ERLIN2: variants seen among roughly 807,000 people sequenced by gnomAD.
The protein encoded by ERLIN2 is erlin-2.
A neutral mutation model predicts 41.5 loss-of-function variants in ERLIN2; 22 were observed. The observed-to-expected ratio is 0.53, with a 90% CI of 0.38 to 0.76. ERLIN2 has a LOEUF of 0.76. Ranked by LOEUF, ERLIN2 falls within the 30% of genes least tolerant of loss-of-function variation. ERLIN2 has a pLI of 0.00. For synonymous variants in ERLIN2, 149 were observed against 150.9 expected (o/e 0.99, Z 0.09); for missense variants, 247 against 414.3 (o/e 0.60, Z 3.51).
At chr8:37,747,200 G>T in intron 6 of ERLIN2, 1 of 655,704 alleles carries the variant, frequency 1.5e-6, no homozygotes, top group Non-Finnish European at 2.8e-6. Flanking sequence ...CTCACTGCAT[G>T]TAGGAGAATC....
chr8:37,741,947 A>G lies in ERLIN2; in HGVS notation c.236+129A>G, dbSNP rs377531105. ...TTAATTCCCTGTCTCGTAGCTCCCT[A>G]TATTGATTTGACCAGGTGATGGAGT... On this transcript the variant is annotated intron_variant, in intron 4 of 11. Coordinates refer to ENST00000519638, the MANE Select transcript of ERLIN2 (RefSeq NM_007175.8). This position sits in a 1 kb window ranked among gnomAD's most constrained non-coding sequence, Gnocchi z 4.8. 135 of 739,768 alleles carry G rather than the reference A, an allele frequency of 1.8e-4. No individual in the cohort carries two copies. In the African/African-American group the frequency reaches 2.1e-3, roughly 12 times the overall value. 45.8% of individuals were successfully genotyped at this position (739,768 alleles called of 1,614,324 possible). A position where few individuals can be genotyped will look rare whatever the true frequency, so the allele number is the denominator to read the frequency against.
At chr8:37,750,306 C>T (rs1803188561) in intron 8 of ERLIN2, 89 bp from the exon 9 acceptor site, 2 of 1,008,880 alleles carry the variant, frequency 2.0e-6, no homozygotes, top group East Asian at 2.5e-5. Flanking sequence ...GGGAGTTTGC[C>T]TCTCTTCAGC....
At chr8:37,749,410 G>GA in intron 6 of ERLIN2, 149 bp from the exon 7 acceptor site, 1 of 707,232 alleles carries the variant, frequency 1.4e-6, no homozygotes, top group South Asian at 1.5e-5. Flanking sequence ...TTGGGCAGGG[G>GA]ATCTTTAGAT....
intron 1 of ERLIN2, 178 bp from the exon 2 acceptor site, chr8:37,737,730 G>C: frequency 1.5e-6 from 1 of 663,262 alleles, no homozygotes; most frequent in Non-Finnish European, 2.6e-6. Flanking sequence ...GTTAAAGAAA[G>C]GGGAACGTTG....
rs1047301032 is a variant in ERLIN2 at position 37,754,644 on chromosome 8, TGA to T, written c.*531_*532del. ...CCTGGCATTCTTGTCTGCATGTGTGTGAGTTATTTTAGAGGTGTGCTTTCTTG... is the reference window on the plus strand; with the variant it reads ...CCTGGCATTCTTGTCTGCATGTGTGTGTTATTTTAGAGGTGTGCTTTCTTG... On this transcript the variant is annotated 3_prime_UTR_variant, in exon 12 of 12. Transcript: ENST00000519638. The T allele has an allele frequency of 1.6e-5, 3 of 193,376 alleles. No individual in the cohort carries two copies. The highest frequency in any genetic ancestry group is 7.1e-5 in the African/African-American group (3 of 42,544). The allele number at this position is 193,376 out of a possible 1,614,324, so 12.0% of individuals were successfully genotyped here.
At chr8:37,744,212 T>G in intron 4 of ERLIN2, 143 bp from the exon 5 acceptor site, 8 of 792,974 alleles carry the variant, frequency 1.0e-5, no homozygotes, top group Non-Finnish European at 1.6e-5. Flanking sequence ...ACCTCCCACT[T>G]GGAGATCCAA....
chr8:37,748,122 C>T, intron 6 of ERLIN2: 1 of 687,582 alleles, frequency 1.5e-6, no homozygotes, highest in Non-Finnish European at 2.6e-6. Flanking sequence ...ATTTAAATGG[C>T]ATTTATCAAC....
At position 37,740,072 on chromosome 8, in the gene ERLIN2, G is replaced by T. The variant is rs142394929; in HGVS notation, c.108-293G>T. On this transcript the variant is annotated intron_variant, in intron 2 of 11. Transcript: ENST00000519638. The stretch of plus-strand genomic sequence containing the variant: ...CATGCAATCCTCTCACCTCAGCCCC[G>T]CAAAGCGCTGGGACTGCACTAGTGG... Among the ~76,000 whole-genome samples, 525 of 152,160 alleles carry T rather than the reference G, an allele frequency of 3.5e-3. 5 individuals are homozygous for T. Among genetic ancestry groups the T allele is most frequent in the Middle Eastern group, 0.031 (9 of 294 alleles).
At chr8:37,742,148 C>T (rs1802872281) in intron 4 of ERLIN2, among the ~76,000 whole-genome samples, 2 of 151,900 alleles carry the variant, frequency 1.3e-5, no homozygotes, top group Non-Finnish European at 2.9e-5. Flanking sequence ...TCGAGACCAT[C>T]CTGGCCAACA....
rs536032217 is a variant in ERLIN2 at position 37,755,636 on chromosome 8, A to C, written c.*1521A>C. 1.5e-3 allele frequency: 215 copies of C among 141,982 alleles called. 2 individuals carry two copies. The highest frequency in any genetic ancestry group is 0.011 in the Middle Eastern group (3 of 262). The allele number at this position is 141,982 out of a possible 1,614,324, so 8.8% of individuals were successfully genotyped here. A position where few individuals can be genotyped will look rare whatever the true frequency, so the allele number is the denominator to read the frequency against. On this transcript the variant is annotated 3_prime_UTR_variant, in exon 12 of 12. Transcript: ENST00000519638. Reference sequence around the variant, plus strand: ...GAATCTGTGAATGGTCCTTTCTGGCAGCAATCCCTGCCTTCTTTTTGGGCC... The same window carrying C: ...GAATCTGTGAATGGTCCTTTCTGGCCGCAATCCCTGCCTTCTTTTTGGGCC...
At chr8:37,751,746 C>G in intron 10 of ERLIN2, 31 bp downstream of exon 10, 1 of 1,527,736 alleles carries the variant, frequency 6.5e-7, no homozygotes, top group Non-Finnish European at 9.1e-7. Context: ...TGCCTGAGTC[C>G]TCCTCAGACC....
At chr8:37,744,493 G>A in intron 5 of ERLIN2, 77 bp downstream of exon 5, 1 of 1,610,632 alleles carries the variant, frequency 6.2e-7, no homozygotes, top group East Asian at 2.2e-5. Flanking sequence ...GTAGCACCTT[G>A]GAAAAGGAGA....
At chr8:37,748,011 C>T (rs756702162) in intron 6 of ERLIN2, 16 of 1,610,822 alleles carry the variant, frequency 9.9e-6, no homozygotes, top group African/African-American at 1.3e-5. Context: ...GCATGGTTTC[C>T]AGGAGCAACC....
chr8:37,742,770 A>G (rs1802896241), intron 4 of ERLIN2, among the ~76,000 whole-genome samples: 1 of 152,232 alleles, frequency 6.6e-6, no homozygotes, highest in South Asian at 2.1e-4. Context: ...ACGTTTACCT[A>G]TGTAACAAAC....
intron 1 of ERLIN2, 114 bp from the exon 2 acceptor site, chr8:37,737,794 C>T (rs965560840): frequency 4.8e-5 from 60 of 1,252,496 alleles, no homozygotes; most frequent in Middle Eastern, 5.3e-4. Context: ...TCACACGACA[C>T]CAGGCTGGAT....
rs1803345622 is a variant in ERLIN2 at position 37,755,737 on chromosome 8, C to G, written c.*1622C>G. On this transcript the variant is annotated 3_prime_UTR_variant, in exon 12 of 12. Coordinates refer to ENST00000519638, the MANE Select transcript of ERLIN2 (RefSeq NM_007175.8). ...GCTCAGAAGTTTTGGGAGCATTGAG[C>G]CTGCCTAGAAAGATACAGTGTTAGC... 6.6e-6 allele frequency: 1 copy of G among 152,046 alleles called. No homozygotes were observed. Among genetic ancestry groups the G allele is most frequent in the African/African-American group, 2.4e-5 (1 of 41,388 alleles). The allele number at this position is 152,046 out of a possible 1,614,324, so 9.4% of individuals were successfully genotyped here. A position where few individuals can be genotyped will look rare whatever the true frequency, so the allele number is the denominator to read the frequency against.
rs1245958414 is a variant in ERLIN2, at chr8:37,754,124, T to C, written c.*9T>C. On this transcript the variant is annotated 3_prime_UTR_variant, in exon 12 of 12. Transcript: ENST00000519638. ...CCACTAAGGAGAATTGAAAAAAACT[T>C]GATATGACTGCAAATGATACTTAAG... The C allele has an allele frequency of 2.5e-6, 4 of 1,582,214 alleles. No individual in the cohort carries two copies. Among genetic ancestry groups the C allele is most frequent in the Non-Finnish European group, 3.5e-6 (4 of 1,151,174 alleles).
chr8:37,745,422 GC>G (rs1585908646), intron 6 of ERLIN2: 1 of 769,190 alleles, frequency 1.3e-6, no homozygotes. Flanking sequence ...ACCTGACTTA[GC>G]AGCAAAGGAA....
intron 6 of ERLIN2, chr8:37,747,845 C>T (rs775367793): frequency 1.2e-6 from 2 of 1,614,192 alleles, no homozygotes; most frequent in Non-Finnish European, 1.7e-6. Flanking sequence ...CGGGACCGGT[C>T]CCGGGGCCTC....
Sources: allele counts gnomAD v4.1 joint callset (sites outside exome capture counted in the v4.1 genomes callset), GRCh38; gene constraint gnomAD v4.1.1; non-coding constraint Gnocchi (gnomAD v3.1); transcripts MANE v1.5; gene names NCBI Gene and HGNC (gene_info 2026-07-23, HGNC 2026-07-21).